Variants in DBH observed in about 807,000 individuals in gnomAD.
The protein encoded by DBH is dopamine beta-hydroxylase (dopamine beta-monooxygenase).
A neutral mutation model predicts 64.0 loss-of-function variants in DBH; 49 were observed. The observed-to-expected ratio is 0.77, with a 90% CI of 0.61 to 0.97. The LOEUF is 0.97. Among genes scored for constraint, DBH ranks in the 50% least tolerant of loss-of-function variants. The pLI is 0.00. For missense variants in DBH, 828 were observed against 826.6 expected, an observed-to-expected ratio of 1.00 and a Z score of -0.02; for synonymous variants, 343 against 347.1, an observed-to-expected ratio of 0.99 and a Z score of 0.13.
chr9:133,653,943 C>T (rs1175009343), intron 9 of DBH, among the ~76,000 whole-genome samples: 1 of 152,152 alleles, frequency 6.6e-6, no homozygotes. Flanking sequence ...AATAATTATC[C>T]TGTGAATTGT....
intron 9 of DBH, chr9:133,655,689 C>CACAA (rs1441359533): frequency 1.3e-5 from 2 of 152,428 alleles, no homozygotes; most frequent in Non-Finnish European, 2.9e-5. Context: ...ACAGCAGCTT[C>CACAA]ACAAACAGCG....
At chr9:133,641,892 C>T (rs1262860710) in intron 2 of DBH, among the ~76,000 whole-genome samples, 1 of 152,236 alleles carries the variant, frequency 6.6e-6, no homozygotes, top group Admixed American at 6.5e-5. Flanking sequence ...GTGGAGGGAA[C>T]AAATGTTCCG....
At chr9:133,640,324 G>A (rs542536997) in intron 2 of DBH, among the ~76,000 whole-genome samples, 1 of 152,222 alleles carries the variant, frequency 6.6e-6, no homozygotes, top group Non-Finnish European at 1.5e-5. Context: ...TCCTGGTCCT[G>A]TTAACCATCA....
At position 133,643,637 on chromosome 9, in the gene DBH, G is replaced by A. The variant is rs369431750; in HGVS notation, c.921+48G>A. 2.1e-5 allele frequency: 33 copies of A among 1,600,016 alleles called. No individual in the cohort carries two copies. The highest frequency in any genetic ancestry group is 1.7e-4 in the Middle Eastern group (1 of 6,040). On this transcript the variant is annotated intron_variant, in intron 4 of 11. Coordinates refer to ENST00000393056, the MANE Select transcript of DBH (RefSeq NM_000787.4). This position sits in a 1 kb window ranked among gnomAD's most constrained non-coding sequence, Gnocchi z 5.3. The stretch of plus-strand genomic sequence containing the variant: ...ATGGTGTCTCCTGCCTGGGCCCCTG[G>A]CATCCCCACACCTCTGTTTCCCCAG...
chr9:133,642,488 G>A (rs776903808), intron 3 of DBH, 24 bp downstream of exon 3: 1 of 1,587,204 alleles, frequency 6.3e-7, no homozygotes, highest in Non-Finnish European at 8.6e-7. Flanking sequence ...CAGGGCCGAG[G>A]TCCTCGCCCA....
chr9:133,658,783 C>T lies in DBH; in HGVS notation c.*336C>T, dbSNP rs529251639. On this transcript the variant is annotated 3_prime_UTR_variant, in exon 12 of 12. Transcript: ENST00000393056. ...CCCTGTTCCGCCTCACTGGGTGTGG[C>T]CTGGCTTCTGGGACAGGCACCATGC... The T allele has an allele frequency of 1.1e-5, 2 of 188,894 alleles. No homozygotes were observed. The highest frequency in any genetic ancestry group is 2.3e-5 in the African/African-American group (1 of 42,990). 11.7% of individuals were successfully genotyped at this position (188,894 alleles called of 1,614,324 possible). A position where few individuals can be genotyped will look rare whatever the true frequency, so the allele number is the denominator to read the frequency against.
intron 1 of DBH, among the ~76,000 whole-genome samples, 180 bp from the exon 2 acceptor site, chr9:133,639,666 T>C (rs1251483610): frequency 2.6e-5 from 4 of 152,206 alleles, no homozygotes; most frequent in African/African-American, 7.2e-5. Context: ...GAAATGGAGA[T>C]AGAAGGTGTG....
chr9:133,647,733 C>T (rs563876085), intron 5 of DBH, 113 bp from the exon 6 acceptor site: 460 of 1,332,538 alleles, frequency 3.5e-4, no homozygotes, highest in Non-Finnish European at 4.3e-4. Flanking sequence ...GGGGGGTGAC[C>T]GGCCCTGCCT....
rs1832202639 is a variant in DBH, at chr9:133,647,956, C to T, written c.1135C>T (p.Pro379Ser). ...GTACACGCCAGTGATGGCCATTCCACCACGGGAGACCGCCTTCATCCTCAC... is the reference window on the plus strand; with the variant it reads ...GTACACGCCAGTGATGGCCATTCCATCACGGGAGACCGCCTTCATCCTCAC... Reference protein sequence around the residue: ...LVYTPVMAIPPRETAFILTGY... With the variant: ...LVYTPVMAIPSRETAFILTGY... The change falls in exon 6 of 12, where the codon CCA becomes TCA. Residue 379 changes from proline (P) to serine (S), a missense_variant. By Grantham distance (74) the Pro-to-Ser change is moderately conservative. Transcript: ENST00000393056. 1 of 1,614,028 alleles carries T rather than the reference C, an allele frequency of 6.2e-7. No individual in the cohort carries two copies. Among genetic ancestry groups the T allele is most frequent in the Non-Finnish European group, 8.5e-7 (1 of 1,179,998 alleles).
At chr9:133,652,683 C>G (rs912012916) in intron 8 of DBH, among the ~76,000 whole-genome samples, 2 of 152,174 alleles carry the variant, frequency 1.3e-5, no homozygotes, top group African/African-American at 4.8e-5. Flanking sequence ...GGCCCACCAG[C>G]TGCACCCCCA....
At chr9:133,652,175 A>G in intron 7 of DBH, 71 bp from the exon 8 acceptor site, 1 of 1,581,404 alleles carries the variant, frequency 6.3e-7, no homozygotes, top group Non-Finnish European at 8.7e-7. Context: ...GGGAGGACAC[A>G]GTGGCCGGGG....
intron 5 of DBH, among the ~76,000 whole-genome samples, chr9:133,645,822 CTTCAG>C: frequency 6.6e-6 from 1 of 152,308 alleles, no homozygotes; most frequent in East Asian, 1.9e-4. Flanking sequence ...TGTGTGGAGT[CTTCAG>C]TTCAGGCTCC....
At chr9:133,656,958 A>G in intron 10 of DBH, 112 bp from the exon 11 acceptor site, 1 of 1,278,906 alleles carries the variant, frequency 7.8e-7, no homozygotes, top group Non-Finnish European at 1.1e-6. Flanking sequence ...AGGAGGTGGC[A>G]GGACGGTTGC....
At chr9:133,653,641 A>G (rs1588353306) in intron 9 of DBH, among the ~76,000 whole-genome samples, 1 of 152,078 alleles carries the variant, frequency 6.6e-6, no homozygotes, top group Non-Finnish European at 1.5e-5. Context: ...GGGTGGAGAC[A>G]TGGGTGGGGG....
At chr9:133,645,465 T>C (rs536545502) in intron 5 of DBH, among the ~76,000 whole-genome samples, 2 of 152,168 alleles carry the variant, frequency 1.3e-5, no homozygotes, top group Non-Finnish European at 2.9e-5. Flanking sequence ...CTTTGCCAAA[T>C]ATAAGGACGC....
At chr9:133,657,334 C>G (rs150408248) in intron 11 of DBH, 105 bp downstream of exon 11, 1 of 1,401,966 alleles carries the variant, frequency 7.1e-7, no homozygotes, top group African/African-American at 1.4e-5. Context: ...CAAAAGCACT[C>G]GCACAAGACA....
chr9:133,643,810 G>C lies in DBH; in HGVS notation c.921+221G>C, dbSNP rs1611122. Among the ~76,000 whole-genome samples the C allele has an allele frequency of 0.5, 75,562 of 152,088 alleles. 19,439 individuals are homozygous for C. Among genetic ancestry groups the C allele is most frequent in the African/African-American group, 0.56 (23,180 of 41,488 alleles). ...TATTTTCCACAGAAACGCAAGTGCC[G>C]CAGGACCTTATGCCCTCAGTGGGTC... On this transcript the variant is annotated intron_variant, in intron 4 of 11. Transcript: ENST00000393056. This position sits in a 1 kb window ranked among gnomAD's most constrained non-coding sequence, Gnocchi z 5.3.
intron 6 of DBH, among the ~76,000 whole-genome samples, chr9:133,650,570 G>A (rs1167587133): frequency 2.2e-5 from 1 of 45,444 alleles, no homozygotes. Flanking sequence ...TTTTTTTGAT[G>A]GAGTTTCGCT....
At chr9:133,645,197 C>T (rs1364374857) in intron 5 of DBH, among the ~76,000 whole-genome samples, 1 of 151,196 alleles carries the variant, frequency 6.6e-6, no homozygotes, top group Non-Finnish European at 1.5e-5. Flanking sequence ...ACGCACAGAA[C>T]TTGCTGTGGG....
Sources: gnomAD v4.1 joint callset for allele counts (sites outside exome capture counted in the v4.1 genomes callset) on GRCh38, gnomAD v4.1.1 for gene constraint, Gnocchi (gnomAD v3.1) non-coding constraint, MANE v1.5 for transcripts, NCBI Gene and HGNC (gene_info 2026-07-23, HGNC 2026-07-21) for gene names.